DLG1: variants seen among roughly 807,000 people sequenced by gnomAD.
The protein encoded by DLG1 is discs large MAGUK scaffold protein 1.
A neutral mutation model predicts 123.4 loss-of-function variants in DLG1; 42 were observed. The ratio of observed to expected loss-of-function variants is 0.34; its 90% CI spans 0.27 to 0.44. The LOEUF (loss-of-function observed/expected upper bound fraction) is 0.44, where lower values mean the gene tolerates loss of function less well. Among genes scored for constraint, DLG1 ranks in the 20% least tolerant of loss-of-function variants. The pLI is 1.00. For synonymous variants in DLG1, 317 were observed against 356.2 expected (o/e 0.89, Z 1.24); for missense variants, 942 against 1,082.6 (o/e 0.87, Z 1.82).
At chr3:197,057,907 C>A (rs1398234833) in intron 23 of DLG1, among the ~76,000 whole-genome samples, 1 of 151,950 alleles carries the variant, frequency 6.6e-6, no homozygotes, top group African/African-American at 2.4e-5. Context: ...TCCTCTTTAT[C>A]ATATGTTTGT....
At chr3:197,245,045 G>T (rs1261379891) in intron 4 of DLG1, among the ~76,000 whole-genome samples, 2 of 152,108 alleles carry the variant, frequency 1.3e-5, no homozygotes, top group Admixed American at 1.3e-4. Flanking sequence ...CTTTAATAAG[G>T]CAATAGGAAG....
chr3:197,085,560 G>C lies in DLG1; in HGVS notation c.1838+20C>G, dbSNP rs1191987769. 1 of 1,612,026 alleles carries C rather than the reference G, an allele frequency of 6.2e-7. No individual in the cohort carries two copies. On this transcript the variant is annotated intron_variant, in intron 16 of 24. Transcript: ENST00000667157. ...ATTATTTATGTTGCCTCACATTCAA[G>C]TGGTAAGAAACAGGCATACCTGCGT...
chr3:197,281,060 CGCCAGTCTCGCTTGTT>C (rs1392463459), intron 4 of DLG1, among the ~76,000 whole-genome samples: 2 of 144,642 alleles, frequency 1.4e-5, no homozygotes, highest in East Asian at 4.4e-4. Context: ...TCTCGCTTAT[CGCCAGTCTCGCTTGTT>C]GCCCAGACTG....
intron 14 of DLG1, among the ~76,000 whole-genome samples, chr3:197,096,930 C>T (rs1760938729): frequency 6.6e-6 from 1 of 152,130 alleles, no homozygotes; most frequent in African/African-American, 2.4e-5. Flanking sequence ...AATTAGTTTT[C>T]CCCAACTTTT....
chr3:197,054,385 G>A (rs1393709876), intron 23 of DLG1, among the ~76,000 whole-genome samples: 2 of 152,008 alleles, frequency 1.3e-5, no homozygotes, highest in African/African-American at 4.8e-5. Flanking sequence ...ACTGCTTGAT[G>A]GTGTCTTATA....
At chr3:197,159,923 T>C (rs1364889188) in intron 5 of DLG1, among the ~76,000 whole-genome samples, 3 of 152,156 alleles carry the variant, frequency 2.0e-5, no homozygotes, top group Non-Finnish European at 2.9e-5. Context: ...AAATATGAGA[T>C]AACACTAAAA....
At chr3:197,232,376 A>G (rs896247114) in intron 4 of DLG1, among the ~76,000 whole-genome samples, 5 of 151,936 alleles carry the variant, frequency 3.3e-5, no homozygotes, top group Non-Finnish European at 7.4e-5. Flanking sequence ...AAAAAAAAAA[A>G]AAAAGGTGCA....
chr3:197,164,830 G>A (rs929192702), intron 5 of DLG1, among the ~76,000 whole-genome samples: 2 of 151,820 alleles, frequency 1.3e-5, no homozygotes, highest in Admixed American at 1.3e-4. Context: ...GGTGAGTCAG[G>A]AGAACTGCTT....
chr3:197,187,306 G>A (rs1411060716), intron 5 of DLG1, among the ~76,000 whole-genome samples: 1 of 152,144 alleles, frequency 6.6e-6, no homozygotes, highest in Non-Finnish European at 1.5e-5. Flanking sequence ...ACTAGAAACA[G>A]GAAAACTTCT....
chr3:197,152,419 CTTTTTTTTTTT>C (rs768327685), intron 5 of DLG1, among the ~76,000 whole-genome samples: 1 of 94,700 alleles, frequency 1.1e-5, no homozygotes, highest in Non-Finnish European at 2.0e-5. Flanking sequence ...ATCCCAAAGT[CTTTTTTTTTTT>C]TTTTTTTTTT....
chr3:197,079,039 G>T (rs1749186815), intron 17 of DLG1, among the ~76,000 whole-genome samples: 1 of 144,772 alleles, frequency 6.9e-6, no homozygotes, highest in African/African-American at 2.6e-5. Flanking sequence ...TCCAGGTGAA[G>T]AACTTATTAA....
upstream of DLG1, chr3:197,298,753 T>C (rs1271257578): frequency 7.6e-6 from 3 of 396,282 alleles, no homozygotes; most frequent in Admixed American, 4.4e-5. Context: ...TCCAGGCTGA[T>C]TGTTAAGTTA....
rs71623339 is a variant in DLG1, at chr3:197,158,634, CAAAAAAAAAAA to C, written c.484-8849_484-8839del. On this transcript the variant is annotated intron_variant, in intron 5 of 24. Transcript: ENST00000667157. Reference sequence around the variant, plus strand: ...GGGTAACAAGAGCAAAACTCCATTTCAAAAAAAAAAAAAAAAAAAAAAAGCCCAGAGGCAGT... The same window carrying C: ...GGGTAACAAGAGCAAAACTCCATTTCAAAAAAAAAAAAGCCCAGAGGCAGT... Among the ~76,000 whole-genome samples the C allele has an allele frequency of 1.9e-4, 13 of 67,476 alleles. 1 individual carries two copies. Among genetic ancestry groups the C allele is most frequent in the African/African-American group, 5.5e-5 (1 of 18,104 alleles). The allele number at this position is 67,476 out of a possible 152,430, so 44.3% of individuals were successfully genotyped here.
At chr3:197,095,381 G>A (rs909241185) in intron 14 of DLG1, among the ~76,000 whole-genome samples, 1 of 151,798 alleles carries the variant, frequency 6.6e-6, no homozygotes, top group African/African-American at 2.4e-5. Flanking sequence ...TAGTTGTCAC[G>A]TCTTTTTAGA....
intron 4 of DLG1, among the ~76,000 whole-genome samples, chr3:197,252,588 T>C (rs1561698167): frequency 6.6e-6 from 1 of 152,140 alleles, no homozygotes; most frequent in Non-Finnish European, 1.5e-5. Flanking sequence ...AGTTATTGTC[T>C]GATGAGGGAA....
chr3:197,048,404 G>A (rs564558568), intron 24 of DLG1, among the ~76,000 whole-genome samples: 117 of 152,308 alleles, frequency 7.7e-4, no homozygotes, highest in African/African-American at 2.7e-3. Flanking sequence ...CCAGGAGGCA[G>A]AGGTTGCAGT....
chr3:197,184,155 A>G, intron 5 of DLG1: 1 of 1,042,302 alleles, frequency 9.6e-7, no homozygotes, highest in Non-Finnish European at 1.2e-6. Flanking sequence ...GAAATCCAGG[A>G]AGTGAGGTCG....
intron 24 of DLG1, among the ~76,000 whole-genome samples, chr3:197,047,516 C>A (rs896410882): frequency 1.4e-5 from 2 of 144,954 alleles, no homozygotes; most frequent in African/African-American, 5.4e-5. Flanking sequence ...GTAACAACAA[C>A]AAAAATGTCC....
chr3:197,170,806 GT>G (rs1341047917), intron 5 of DLG1, among the ~76,000 whole-genome samples: 2 of 152,156 alleles, frequency 1.3e-5, no homozygotes, highest in African/African-American at 4.8e-5. Flanking sequence ...CCCTTTGCCT[GT>G]TCCTATATCC....
Sources: gnomAD v4.1 joint callset for allele counts (sites outside exome capture counted in the v4.1 genomes callset) on GRCh38, gnomAD v4.1.1 for gene constraint, MANE v1.5 for transcripts, NCBI Gene and HGNC (gene_info 2026-07-23, HGNC 2026-07-21) for gene names.